NRXN3: variants seen among roughly 807,000 people sequenced by gnomAD.
The protein encoded by NRXN3 is neurexin 3, also known as neurexin III.
NRXN3 carries 32 observed loss-of-function variants against 137.6 expected under a neutral mutation model. The ratio of observed to expected loss-of-function variants is 0.23; its 90% CI spans 0.18 to 0.31. The LOEUF is 0.31. Ranked by LOEUF, NRXN3 falls within the 10% of genes least tolerant of loss-of-function variation. The pLI is 1.00. For missense variants in NRXN3, 1,574 were observed against 2,062.5 expected (o/e 0.76, Z 4.59); for synonymous variants, 798 against 784.5 (o/e 1.02, Z -0.29).
chr14:79,287,950 A>G (rs770699656), intron 15 of NRXN3, among the ~76,000 whole-genome samples: 4 of 152,158 alleles, frequency 2.6e-5, no homozygotes, highest in Non-Finnish European at 5.9e-5. Flanking sequence ...CATTTGTACA[A>G]TGAGAGATTT....
intron 20 of NRXN3, chr14:79,854,273 A>G (rs1046660050): frequency 2.4e-6 from 1 of 419,392 alleles, no homozygotes; most frequent in African/African-American, 2.2e-5. Flanking sequence ...TATTTTGCCT[A>G]TATGGAAATG....
intron 4 of NRXN3, among the ~76,000 whole-genome samples, chr14:78,471,324 A>C (rs1033733211): frequency 3.3e-5 from 3 of 91,982 alleles, no homozygotes; most frequent in African/African-American, 1.0e-4. Context: ...ACACACACAC[A>C]CACACACACC....
intron 15 of NRXN3, among the ~76,000 whole-genome samples, chr14:79,203,753 C>T (rs1289434122): frequency 6.6e-6 from 1 of 152,152 alleles, no homozygotes; most frequent in Non-Finnish European, 1.5e-5. Flanking sequence ...AGGTACCGTG[C>T]ACCTTCTTAA....
At chr14:79,329,966 G>A (rs904090588) in intron 15 of NRXN3, among the ~76,000 whole-genome samples, 14 of 151,326 alleles carry the variant, frequency 9.3e-5, no homozygotes, top group African/African-American at 1.2e-4. Flanking sequence ...TCAGCTTTCC[G>A]AGTAGTGGGA....
intron 15 of NRXN3, among the ~76,000 whole-genome samples, chr14:79,418,947 G>A (rs1567072107): frequency 6.6e-6 from 1 of 151,944 alleles, no homozygotes; most frequent in African/African-American, 2.4e-5. Context: ...GTTAACTATG[G>A]GCAAAAAAGA....
At chr14:79,597,969 G>A (rs542705776) in intron 16 of NRXN3, among the ~76,000 whole-genome samples, 10 of 152,292 alleles carry the variant, frequency 6.6e-5, no homozygotes, top group African/African-American at 1.9e-4. Flanking sequence ...CAAGATGCCC[G>A]TTGGAAGGTT....
chr14:78,638,174 T>C (rs1279180385), intron 4 of NRXN3, among the ~76,000 whole-genome samples: 2 of 152,192 alleles, frequency 1.3e-5, no homozygotes, highest in East Asian at 3.9e-4. Context: ...CCAGGCAGTG[T>C]GGAAAAGTCT....
intron 6 of NRXN3, among the ~76,000 whole-genome samples, chr14:78,702,178 G>A (rs991120491): frequency 6.6e-6 from 1 of 152,052 alleles, no homozygotes. Flanking sequence ...TCATGAATAT[G>A]AATCTAAATC....
chr14:78,760,922 T>C (rs895947985), intron 8 of NRXN3, among the ~76,000 whole-genome samples: 1 of 152,192 alleles, frequency 6.6e-6, no homozygotes, highest in South Asian at 2.1e-4. Context: ...ATCTTGATTA[T>C]TGACATCTGT....
chr14:79,561,570 A>G (rs910406232), intron 16 of NRXN3, among the ~76,000 whole-genome samples: 1 of 152,110 alleles, frequency 6.6e-6, no homozygotes, highest in Non-Finnish European at 1.5e-5. Flanking sequence ...AGTATGATAG[A>G]ATTTCTCCTT....
chr14:79,018,247 C>A (rs1223488004), intron 15 of NRXN3, among the ~76,000 whole-genome samples: 2 of 70,320 alleles, frequency 2.8e-5, no homozygotes, highest in Non-Finnish European at 5.1e-5. Flanking sequence ...GTGACAAGAG[C>A]AAAACTCTGT....
intron 19 of NRXN3, among the ~76,000 whole-genome samples, chr14:79,703,733 G>T (rs1340036098): frequency 6.6e-6 from 1 of 151,974 alleles, no homozygotes; most frequent in East Asian, 1.9e-4. Context: ...CCATATTGCT[G>T]TATATCTCTG....
At chr14:79,767,873 A>C (rs1328884437) in intron 19 of NRXN3, among the ~76,000 whole-genome samples, 1 of 152,132 alleles carries the variant, frequency 6.6e-6, no homozygotes, top group African/African-American at 2.4e-5. Flanking sequence ...AGTTCATCTC[A>C]CTAGGGAGTG....
intron 15 of NRXN3, among the ~76,000 whole-genome samples, chr14:79,075,702 T>C (rs1410923001): frequency 6.6e-6 from 1 of 152,202 alleles, no homozygotes; most frequent in Admixed American, 6.5e-5. Context: ...AAATGCATGC[T>C]GTTTGATTAC....
At chr14:79,139,232 C>T (rs1227955160) in intron 15 of NRXN3, among the ~76,000 whole-genome samples, 5 of 152,180 alleles carry the variant, frequency 3.3e-5, no homozygotes, top group African/African-American at 9.7e-5. Flanking sequence ...ATGGGATCAT[C>T]TAATGCCTTT....
chr14:79,285,185 C>G (rs758614514), intron 15 of NRXN3, among the ~76,000 whole-genome samples: 1 of 152,044 alleles, frequency 6.6e-6, no homozygotes, highest in African/African-American at 2.4e-5. Context: ...AAAAACAAGA[C>G]GCACACACAC....
At chr14:78,972,671 C>T (rs565647353) in intron 14 of NRXN3, among the ~76,000 whole-genome samples, 5 of 152,222 alleles carry the variant, frequency 3.3e-5, no homozygotes, top group African/African-American at 1.2e-4. Flanking sequence ...CTGAGGAGGC[C>T]GGCTCTGTCC....
intron 16 of NRXN3, among the ~76,000 whole-genome samples, chr14:79,573,214 G>GGA (rs1056505181): frequency 3.9e-5 from 6 of 152,070 alleles, no homozygotes; most frequent in Admixed American, 1.3e-4. Flanking sequence ...GTGAGGAAAG[G>GGA]GAGAGAGAGA....
chr14:78,772,305 A>G (rs997130366), intron 8 of NRXN3, among the ~76,000 whole-genome samples: 7 of 152,206 alleles, frequency 4.6e-5, no homozygotes, highest in East Asian at 1.9e-4. Flanking sequence ...TTCAGGTAGT[A>G]TATAGATGGG....
Sources: gnomAD v4.1 joint callset for allele counts (sites outside exome capture counted in the v4.1 genomes callset) on GRCh38, gnomAD v4.1.1 for gene constraint, MANE v1.5 for transcripts, NCBI Gene and HGNC (gene_info 2026-07-23, HGNC 2026-07-21) for gene names.